The following KCNQ5 variants were observed in gnomAD, a reference collection of about 807,000 sequenced individuals.
KCNQ5 encodes potassium voltage-gated channel subfamily KQT member 5.
Under a neutral mutation model 98.2 loss-of-function variants are expected in KCNQ5, and 30 were observed. The observed-to-expected ratio is 0.31, with a 90% CI of 0.23 to 0.41. The LOEUF is 0.41. KCNQ5 is among the 10% of genes least tolerant of loss of function. KCNQ5 has a pLI of 1.00. For missense variants in KCNQ5, 835 were observed against 1,182.5 expected, an observed-to-expected ratio of 0.71 and a Z score of 4.31; for synonymous variants, 458 against 449.4, an observed-to-expected ratio of 1.02 and a Z score of -0.24.
chr6:72,647,753 C>T (rs2154472257), intron 1 of KCNQ5, among the ~76,000 whole-genome samples: 1 of 152,262 alleles, frequency 6.6e-6, no homozygotes, highest in South Asian at 2.1e-4. Context: ...ATTTATTTCT[C>T]TTATTTGTAA....
chr6:72,746,980 AGAATGAT>A (rs1771439097), intron 1 of KCNQ5, among the ~76,000 whole-genome samples: 1 of 152,176 alleles, frequency 6.6e-6, no homozygotes, highest in African/African-American at 2.4e-5. Context: ...AGTCTTGCCT[AGAATGAT>A]ACAAGATATG....
At chr6:73,126,246 G>C (rs34974486) in intron 9 of KCNQ5, among the ~76,000 whole-genome samples, 4 of 152,172 alleles carry the variant, frequency 2.6e-5, no homozygotes, top group Admixed American at 6.5e-5. Context: ...AGCTACCTGA[G>C]AGTGCGATCA....
Position 72,622,200 on chromosome 6 carries a change from A to T in KCNQ5, c.11A>T (p.His4Leu). 1 of 1,224,904 alleles carries T rather than the reference A, an allele frequency of 8.2e-7. No homozygotes were observed. The highest frequency in any genetic ancestry group is 1.0e-6 in the Non-Finnish European group (1 of 983,916). The allele number at this position is 1,224,904 out of a possible 1,614,324, so 75.9% of individuals were successfully genotyped here. A position where few individuals can be genotyped will look rare whatever the true frequency, so the allele number is the denominator to read the frequency against. Residue 4 changes from histidine (H) to leucine (L), a missense_variant, in exon 1 of 14, where the codon CAC (histidine) becomes CTC (leucine). His to Leu is a moderately conservative substitution (Grantham distance 99, BLOSUM62 -3). Transcript: ENST00000370398. This position sits in a 1 kb window ranked among gnomAD's most constrained non-coding sequence, Gnocchi z 6.0. MPR[H>L]HAGGEEGGAA... The stretch of plus-strand genomic sequence containing the variant: ...GCCCGTGGTGATGCCATGCCCCGCC[A>T]CCACGCGGGAGGAGAGGAGGGCGGC...
chr6:72,971,439 T>A (rs7752654), intron 1 of KCNQ5, among the ~76,000 whole-genome samples: 13,720 of 152,160 alleles, frequency 0.09, 1,198 homozygotes, highest in African/African-American at 0.23. Flanking sequence ...ACAGTGTGGC[T>A]ATTCCTCAGG....
At chr6:72,899,588 G>C (rs1779395392) in intron 1 of KCNQ5, among the ~76,000 whole-genome samples, 1 of 151,696 alleles carries the variant, frequency 6.6e-6, no homozygotes, top group Non-Finnish European at 1.5e-5. Flanking sequence ...ATTTACTTTG[G>C]TTTACTTATT....
At chr6:73,039,116 A>C (rs1043095053) in intron 2 of KCNQ5, among the ~76,000 whole-genome samples, 1 of 152,102 alleles carries the variant, frequency 6.6e-6, no homozygotes, top group Admixed American at 6.6e-5. Context: ...TAAGTTATCA[A>C]GTGTATGTGC....
chr6:73,053,250 A>T (rs1186412847), intron 3 of KCNQ5, among the ~76,000 whole-genome samples: 1 of 152,218 alleles, frequency 6.6e-6, no homozygotes, highest in African/African-American at 2.4e-5. Context: ...TCATAGAGCA[A>T]GTTTTTAGAC....
At chr6:73,180,016 A>G (rs575205226) in intron 11 of KCNQ5, among the ~76,000 whole-genome samples, 1 of 149,856 alleles carries the variant, frequency 6.7e-6, no homozygotes, top group South Asian at 2.1e-4. Context: ...TGAATGAATG[A>G]ATGAATGGAC....
intron 11 of KCNQ5, among the ~76,000 whole-genome samples, chr6:73,174,858 A>T (rs1026291986): frequency 2.6e-5 from 4 of 152,304 alleles, no homozygotes; most frequent in Admixed American, 6.5e-5. Flanking sequence ...GCACTATGTA[A>T]ATGCTAATAT....
In KCNQ5 at chr6:73,095,335, A is replaced by AT. The variant is rs529550938; in HGVS notation, c.919-9916dup. Among the ~76,000 whole-genome samples the AT allele has an allele frequency of 1.3e-4, 20 of 152,026 alleles. No individual in the cohort carries two copies. In the East Asian group the frequency reaches 2.7e-3, roughly 21 times the overall value. On this transcript the variant is annotated intron_variant, in intron 5 of 13. Coordinates refer to ENST00000370398, the MANE Select transcript of KCNQ5 (RefSeq NM_019842.4). ...TATTTCTCCCTTCACTTCTTGTATC[A>AT]TTTTTTGGATTTCCTTAAATCGGGC...
At chr6:72,647,270 T>C (rs1765637683) in intron 1 of KCNQ5, among the ~76,000 whole-genome samples, 1 of 151,844 alleles carries the variant, frequency 6.6e-6, no homozygotes, top group Non-Finnish European at 1.5e-5. Context: ...ATGAAAAAAA[T>C]GGACATGGTG....
At chr6:72,888,595 A>G (rs778332337) in intron 1 of KCNQ5, among the ~76,000 whole-genome samples, 1 of 152,092 alleles carries the variant, frequency 6.6e-6, no homozygotes, top group Non-Finnish European at 1.5e-5. Flanking sequence ...TGAACCATAC[A>G]TGTTTCTGGT....
chr6:73,108,851 T>C (rs768317911), intron 6 of KCNQ5, among the ~76,000 whole-genome samples: 7 of 151,978 alleles, frequency 4.6e-5, no homozygotes, highest in Non-Finnish European at 1.0e-4. Context: ...ATAAAAAAAA[T>C]AGGATGTCTT....
At chr6:72,890,824 T>A (rs1779030331) in intron 1 of KCNQ5, among the ~76,000 whole-genome samples, 1 of 152,206 alleles carries the variant, frequency 6.6e-6, no homozygotes, top group Non-Finnish European at 1.5e-5. Flanking sequence ...ACATCAAGAT[T>A]GACACCAAAC....
chr6:73,122,360 T>G (rs972495557), intron 8 of KCNQ5, among the ~76,000 whole-genome samples: 1 of 152,194 alleles, frequency 6.6e-6, no homozygotes. Context: ...GAAAAACTGT[T>G]TAATAATGAG....
chr6:72,821,961 C>A (rs547852555), intron 1 of KCNQ5, among the ~76,000 whole-genome samples: 1 of 152,170 alleles, frequency 6.6e-6, no homozygotes, highest in Admixed American at 6.5e-5. Flanking sequence ...GATCACAGCC[C>A]CTGAACGGCC....
intron 11 of KCNQ5, among the ~76,000 whole-genome samples, chr6:73,172,746 A>G (rs925032225): frequency 1.3e-5 from 2 of 152,136 alleles, no homozygotes; most frequent in Non-Finnish European, 2.9e-5. Flanking sequence ...AACTTTGGGC[A>G]TTTTTCTTGT....
At chr6:73,160,526 T>C (rs565229215) in intron 10 of KCNQ5, among the ~76,000 whole-genome samples, 1 of 152,336 alleles carries the variant, frequency 6.6e-6, no homozygotes, top group South Asian at 2.1e-4. Context: ...AATGTTGTGA[T>C]AGGACAAAAC....
intron 1 of KCNQ5, among the ~76,000 whole-genome samples, chr6:72,959,728 CTT>C (rs1252376018): frequency 1.3e-5 from 2 of 152,142 alleles, no homozygotes; most frequent in Non-Finnish European, 2.9e-5. Flanking sequence ...GTTTTTATCA[CTT>C]TTTAAGTTGC....
Sources: gnomAD v4.1 joint callset for allele counts (sites outside exome capture counted in the v4.1 genomes callset) on GRCh38, gnomAD v4.1.1 for gene constraint, Gnocchi (gnomAD v3.1) non-coding constraint, MANE v1.5 for transcripts, NCBI Gene and HGNC (gene_info 2026-07-23, HGNC 2026-07-21) for gene names.